NXPH1: variants seen among roughly 807,000 people sequenced by gnomAD.
NXPH1 encodes neurexophilin 1.
A neutral mutation model predicts 23.7 loss-of-function variants in NXPH1; 5 were observed. The observed-to-expected ratio is 0.21, with a 90% confidence interval of 0.11 to 0.44. The LOEUF (loss-of-function observed/expected upper bound fraction) is 0.44. NXPH1 is among the 20% of genes least tolerant of loss of function. The pLI, the probability that NXPH1 is intolerant of heterozygous loss-of-function variation, is 0.99. For synonymous variants in NXPH1, 144 were observed against 122.2 expected, an observed-to-expected ratio of 1.18 and a Z score of -1.18; for missense variants, 324 against 321.6, an observed-to-expected ratio of 1.01 and a Z score of -0.06.
At chr7:8,602,744 A>G (rs948401697) in intron 2 of NXPH1, among the ~76,000 whole-genome samples, 2 of 152,148 alleles carry the variant, frequency 1.3e-5, no homozygotes, top group African/African-American at 4.8e-5. Flanking sequence ...TATTATCTGT[A>G]TAAAGGCAGG....
At chr7:8,553,540 C>T (rs574346888) in intron 2 of NXPH1, among the ~76,000 whole-genome samples, 84 of 151,518 alleles carry the variant, frequency 5.5e-4, no homozygotes, top group African/African-American at 2.0e-3. Context: ...AGGAAGATAC[C>T]CAGGTTTTAG....
At chr7:8,699,636 A>G (rs1055591819) in intron 2 of NXPH1, among the ~76,000 whole-genome samples, 6 of 152,172 alleles carry the variant, frequency 3.9e-5, no homozygotes, top group African/African-American at 1.4e-4. Context: ...ATAATATATC[A>G]ACACATTGTG....
chr7:8,736,069 C>CA (rs2115222508), intron 2 of NXPH1, among the ~76,000 whole-genome samples: 1 of 152,126 alleles, frequency 6.6e-6, no homozygotes, highest in South Asian at 2.1e-4. Flanking sequence ...TTAATCTTTT[C>CA]AAAAAACCAA....
intron 2 of NXPH1, among the ~76,000 whole-genome samples, chr7:8,602,874 G>A (rs1819391781): frequency 6.6e-6 from 1 of 152,226 alleles, no homozygotes; most frequent in South Asian, 2.1e-4. Context: ...TGTTGCCCAG[G>A]CTGGAGTGCA....
chr7:8,615,284 T>C (rs1250144091), intron 2 of NXPH1, among the ~76,000 whole-genome samples: 2 of 152,094 alleles, frequency 1.3e-5, no homozygotes, highest in African/African-American at 4.8e-5. Context: ...GCATGGTGGC[T>C]AAACATGAGG....
At chr7:8,589,568 C>G (rs1198312012) in intron 2 of NXPH1, among the ~76,000 whole-genome samples, 1 of 152,036 alleles carries the variant, frequency 6.6e-6, no homozygotes, top group Non-Finnish European at 1.5e-5. Flanking sequence ...AGATCAGCTT[C>G]TGATGCTGGA....
At chr7:8,561,811 T>C (rs375567288) in intron 2 of NXPH1, among the ~76,000 whole-genome samples, 1 of 151,492 alleles carries the variant, frequency 6.6e-6, no homozygotes, top group East Asian at 2.0e-4. Flanking sequence ...AAGAGAGTGG[T>C]GCCAAAAGAA....
intron 2 of NXPH1, among the ~76,000 whole-genome samples, chr7:8,557,507 C>T (rs962593565): frequency 6.6e-6 from 1 of 151,472 alleles, no homozygotes; most frequent in African/African-American, 2.4e-5. Context: ...ATTATTGACC[C>T]CTCCACTCAG....
intron 2 of NXPH1, among the ~76,000 whole-genome samples, chr7:8,684,381 G>T (rs902918040): frequency 3.3e-5 from 5 of 152,142 alleles, no homozygotes; most frequent in Non-Finnish European, 7.3e-5. Flanking sequence ...GATGTGAAAG[G>T]TTAGGTTCAC....
chr7:8,438,739 C>T (rs1161043688), intron 2 of NXPH1, among the ~76,000 whole-genome samples: 1 of 152,220 alleles, frequency 6.6e-6, no homozygotes, highest in African/African-American at 2.4e-5. Context: ...ATGCCCCACA[C>T]CAAGCCACAG....
intron 2 of NXPH1, among the ~76,000 whole-genome samples, chr7:8,539,060 A>C (rs1319329181): frequency 6.6e-6 from 1 of 151,920 alleles, no homozygotes; most frequent in Non-Finnish European, 1.5e-5. Flanking sequence ...CATTTGGCTC[A>C]ACAGCGAACA....
intron 2 of NXPH1, among the ~76,000 whole-genome samples, chr7:8,599,045 C>T (rs944339329): frequency 1.3e-5 from 2 of 152,112 alleles, no homozygotes; most frequent in Non-Finnish European, 2.9e-5. Context: ...GCCAGGGACC[C>T]TCTTTAAAGG....
chr7:8,449,091 G>C (rs1816458979), intron 2 of NXPH1, among the ~76,000 whole-genome samples: 1 of 152,164 alleles, frequency 6.6e-6, no homozygotes, highest in Non-Finnish European at 1.5e-5. Flanking sequence ...ACTTATAATA[G>C]CCTACTGGGT....
chr7:8,542,497 T>C (rs1818134741), intron 2 of NXPH1, among the ~76,000 whole-genome samples: 4 of 151,554 alleles, frequency 2.6e-5, no homozygotes, highest in Admixed American at 2.6e-4. Flanking sequence ...TATAGAAAAC[T>C]CTATGCAACA....
intron 2 of NXPH1, among the ~76,000 whole-genome samples, chr7:8,481,103 T>C (rs923437432): frequency 6.6e-6 from 1 of 152,178 alleles, no homozygotes; most frequent in Non-Finnish European, 1.5e-5. Context: ...TGGATGTTGG[T>C]TGAGAGTTCT....
At chr7:8,623,885 T>C (rs1000217398) in intron 2 of NXPH1, among the ~76,000 whole-genome samples, 7 of 152,030 alleles carry the variant, frequency 4.6e-5, no homozygotes, top group Non-Finnish European at 7.4e-5. Flanking sequence ...CCCATCCCTA[T>C]CTCTGTATAT....
intron 2 of NXPH1, among the ~76,000 whole-genome samples, chr7:8,640,614 A>T (rs1286330308): frequency 6.6e-6 from 1 of 152,112 alleles, no homozygotes; most frequent in African/African-American, 2.4e-5. Context: ...TGATGGTCTC[A>T]TAATTCTTAT....
At chr7:8,505,471 A>G (rs12531703) in intron 2 of NXPH1, among the ~76,000 whole-genome samples, 11,180 of 152,104 alleles carry the variant, frequency 0.074, 840 homozygotes, top group East Asian at 0.22. Flanking sequence ...AATAAATAAT[A>G]GACCTCAACA....
chr7:8,661,409 C>T (rs971106675), intron 2 of NXPH1, among the ~76,000 whole-genome samples: 1 of 152,156 alleles, frequency 6.6e-6, no homozygotes, highest in African/African-American at 2.4e-5. Flanking sequence ...GTGGATCTGA[C>T]AACTGCCTAG....
Sources: gnomAD v4.1 joint callset for allele counts (sites outside exome capture counted in the v4.1 genomes callset) on GRCh38, gnomAD v4.1.1 for gene constraint, MANE v1.5 for transcripts, NCBI Gene and HGNC (gene_info 2026-07-23, HGNC 2026-07-21) for gene names.